BRIP1: variants seen among roughly 807,000 people sequenced by gnomAD.
The protein encoded by BRIP1 is BRCA1 interacting DNA helicase 1, also known as Fanconi anemia group J protein.
In BRIP1, 88 loss-of-function variants were observed where a neutral mutation model predicts 119.7. That is an observed-to-expected ratio of 0.74 (90% CI 0.62 to 0.88). The LOEUF (loss-of-function observed/expected upper bound fraction) is 0.88. Among genes scored for constraint, BRIP1 ranks in the 40% least tolerant of loss-of-function variants. The probability of loss-of-function intolerance (pLI) is 0.00; values close to 1 mark genes in which losing one functional copy is unlikely to be tolerated. For missense variants in BRIP1, 1,259 were observed against 1,455.4 expected, an observed-to-expected ratio of 0.87 and a Z score of 2.20; for synonymous variants, 443 against 496.5, an observed-to-expected ratio of 0.89 and a Z score of 1.43.
Position 61,743,622 on chromosome 17 carries a change from T to A in BRIP1, c.2258-488A>T, listed in dbSNP as rs981411082. Among the ~76,000 whole-genome samples, 1 of 152,170 alleles carries A rather than the reference T, an allele frequency of 6.6e-6. No homozygotes were observed. The highest frequency in any genetic ancestry group is 2.4e-5 in the African/African-American group (1 of 41,442). ...CATAAAAAGATACTGATATGTTATA[T>A]TACCTCTTTCTTGCATTGTTCATAA... On this transcript the variant is annotated intron_variant, in intron 15 of 19. Transcript: ENST00000259008. The surrounding 1 kb of genome is among the most constrained non-coding windows in gnomAD (Gnocchi z 4.3).
chr17:61,683,130 C>CAAAAAAAAAA lies in BRIP1; in HGVS notation c.*156_*165dup. 1 of 754,516 alleles carries CAAAAAAAAAA rather than the reference C, an allele frequency of 1.3e-6. No homozygotes were observed. Among genetic ancestry groups the CAAAAAAAAAA allele is most frequent in the African/African-American group, 1.8e-5 (1 of 55,090 alleles). 46.7% of individuals were successfully genotyped at this position (754,516 alleles called of 1,614,324 possible). Reference sequence around the variant, plus strand: ...TGGGCAACAGACCAAGACTCTGTCTCAAAAAAAAAAACCCAAAAACTCAAG... The same window carrying CAAAAAAAAAA: ...TGGGCAACAGACCAAGACTCTGTCTCAAAAAAAAAAAAAAAAAAAAACCCAAAAACTCAAG... On this transcript the variant is annotated 3_prime_UTR_variant, in exon 20 of 20. Transcript: ENST00000259008. The surrounding 1 kb of genome is among the most constrained non-coding windows in gnomAD (Gnocchi z 4.7).
In BRIP1 at chr17:61,755,283, G is replaced by C. The variant is rs2077185512; in HGVS notation, c.2098-10692C>G. The stretch of plus-strand genomic sequence containing the variant: ...TCCTTAATAAAAGAAGAGTTGGCTG[G>C]GTGCAGTGGCCCACACCTGTAATCC... On this transcript the variant is annotated intron_variant, in intron 14 of 19. Coordinates refer to ENST00000259008, the MANE Select transcript of BRIP1 (RefSeq NM_032043.3). This position sits in a 1 kb window ranked among gnomAD's most constrained non-coding sequence, Gnocchi z 4.5. Among the ~76,000 whole-genome samples, 1 of 152,130 alleles carries C rather than the reference G, an allele frequency of 6.6e-6. No individual in the cohort carries two copies. Among genetic ancestry groups the C allele is most frequent in the African/African-American group, 2.4e-5 (1 of 41,410 alleles).
chr17:61,857,331 T>C lies in BRIP1; in HGVS notation c.206-100A>G, dbSNP rs2078912647. 3 of 1,157,196 alleles carry C rather than the reference T, an allele frequency of 2.6e-6. No individual in the cohort carries two copies. The highest frequency in any genetic ancestry group is 1.6e-5 in the African/African-American group (1 of 63,954). 71.7% of individuals were successfully genotyped at this position (1,157,196 alleles called of 1,614,324 possible). A position where few individuals can be genotyped will look rare whatever the true frequency, so the allele number is the denominator to read the frequency against. ...CCCAGGATTGGGAGGTTTCCTAAGA[T>C]AAAAGATTTTTAGGGCTAACACCAG... On this transcript the variant is annotated intron_variant, in intron 3 of 19. Transcript: ENST00000259008. This position sits in a 1 kb window ranked among gnomAD's most constrained non-coding sequence, Gnocchi z 5.1.
In BRIP1 at chr17:61,834,902, G is replaced by GCCCACCCTAAATTGCTGAC. The variant is rs1358311513; in HGVS notation, c.627+12180_627+12198dup. On this transcript the variant is annotated intron_variant, in intron 6 of 19. Transcript: ENST00000259008. The surrounding 1 kb of genome is among the most constrained non-coding windows in gnomAD (Gnocchi z 4.4). ...ATCAGCAGAAGAAATGCCCAGCTGA[G>GCCCACCCTAAATTGCTGAC]CCCACCCTAAATTGCTGACCCCCAC... Among the ~76,000 whole-genome samples the GCCCACCCTAAATTGCTGAC allele has an allele frequency of 6.6e-6, 1 of 152,146 alleles. No individual in the cohort carries two copies. The highest frequency in any genetic ancestry group is 1.5e-5 in the Non-Finnish European group (1 of 68,032).
rs1330150310 is a variant in BRIP1 at position 61,735,764 on chromosome 17, G to A, written c.2379+7249C>T. Among the ~76,000 whole-genome samples the A allele has an allele frequency of 6.6e-6, 1 of 152,032 alleles. No individual in the cohort carries two copies. Among genetic ancestry groups the A allele is most frequent in the African/African-American group, 2.4e-5 (1 of 41,394 alleles). On this transcript the variant is annotated intron_variant, in intron 16 of 19. Coordinates refer to ENST00000259008, the MANE Select transcript of BRIP1 (RefSeq NM_032043.3). The surrounding 1 kb of genome is among the most constrained non-coding windows in gnomAD (Gnocchi z 4.4). ...TGCAGTGACCCATGACCGCACCACTGCACTCTAGCCTGGGCAATGGAGTGA... is the reference window on the plus strand; with the variant it reads ...TGCAGTGACCCATGACCGCACCACTACACTCTAGCCTGGGCAATGGAGTGA...
At chr17:61,784,976 C>T (rs552815970) in intron 10 of BRIP1, among the ~76,000 whole-genome samples, 1 of 152,248 alleles carries the variant, frequency 6.6e-6, no homozygotes, top group Non-Finnish European at 1.5e-5. Flanking sequence ...CAGCACAATG[C>T]TAACAATATA....
chr17:61,733,070 C>T (rs8075370), intron 16 of BRIP1, among the ~76,000 whole-genome samples: 110,971 of 152,108 alleles, frequency 0.73, 41,114 homozygotes, highest in Middle Eastern at 0.81. Flanking sequence ...GATGAATCTA[C>T]CTAAAAGGTT....
intron 17 of BRIP1, among the ~76,000 whole-genome samples, chr17:61,696,582 G>A (rs2061524485): frequency 6.6e-6 from 1 of 151,842 alleles, no homozygotes. Flanking sequence ...TTGATCATGA[G>A]GCTGAGGCAG....
chr17:61,857,870 G>A lies in BRIP1; in HGVS notation c.206-639C>T, dbSNP rs1223462012. ...AAGATTTATCTAAAATTCAAGAATG[G>A]ATTGAAACAAGGACATAAAGTATAT... On this transcript the variant is annotated intron_variant, in intron 3 of 19. Transcript: ENST00000259008. This position sits in a 1 kb window ranked among gnomAD's most constrained non-coding sequence, Gnocchi z 5.1. 6.6e-6 allele frequency among the ~76,000 whole-genome samples: 1 copy of A among 151,918 alleles called. No homozygotes were observed. Among genetic ancestry groups the A allele is most frequent in the Non-Finnish European group, 1.5e-5 (1 of 67,992 alleles).
chr17:61,784,256 T>C lies in BRIP1; in HGVS notation c.1628+14A>G. 2 of 1,607,732 alleles carry C rather than the reference T, an allele frequency of 1.2e-6. No individual in the cohort carries two copies. Among genetic ancestry groups the C allele is most frequent in the Non-Finnish European group, 1.7e-6 (2 of 1,175,158 alleles). On this transcript the variant is annotated intron_variant, in intron 11 of 19. Transcript: ENST00000259008. ...TTTTTAAAAGGAAAATACATACTAG[T>C]TATCTTCACTTACCTGCTATTTTGC... is the stretch of plus-strand genomic sequence containing the variant.
In BRIP1 at chr17:61,822,192, GA is replaced by G. The variant is rs2078336050; in HGVS notation, c.628-13436del. 6.6e-6 allele frequency among the ~76,000 whole-genome samples: 1 copy of G among 151,992 alleles called. No individual in the cohort carries two copies. Among genetic ancestry groups the G allele is most frequent in the African/African-American group, 2.4e-5 (1 of 41,400 alleles). ...AAAATAAAAGACAATAAAAGAAGAAGAAAAGCTATTTGACGAATAGACTGAT... is the reference window on the plus strand; with the variant it reads ...AAAATAAAAGACAATAAAAGAAGAAGAAAGCTATTTGACGAATAGACTGAT... On this transcript the variant is annotated intron_variant, in intron 6 of 19. Coordinates refer to ENST00000259008, the MANE Select transcript of BRIP1 (RefSeq NM_032043.3). The surrounding 1 kb of genome is among the most constrained non-coding windows in gnomAD (Gnocchi z 4.4).
rs1052112465 is a variant in BRIP1, at chr17:61,757,795, T to C, written c.2098-13204A>G. Among the ~76,000 whole-genome samples the C allele has an allele frequency of 1.3e-5, 2 of 151,932 alleles. No individual in the cohort carries two copies. The highest frequency in any genetic ancestry group is 3.9e-4 in the East Asian group (2 of 5,186). On this transcript the variant is annotated intron_variant, in intron 14 of 19. Transcript: ENST00000259008. The surrounding 1 kb of genome is among the most constrained non-coding windows in gnomAD (Gnocchi z 4.3). ...CAGACAGATCTCTTGAGCTCAGGAT[T>C]TCAAGACCAGCCTGGGCAACATGGC...
rs892625034 is a variant in BRIP1 at position 61,803,829 on chromosome 17, A to C, written c.919-2355T>G. On this transcript the variant is annotated intron_variant, in intron 7 of 19. Transcript: ENST00000259008. The surrounding 1 kb of genome is among the most constrained non-coding windows in gnomAD (Gnocchi z 4.3). ...ATTTAAAATTTTACCATTAATGTGA[A>C]TAGATGTACCCTGTACTGTTAAATA... Among the ~76,000 whole-genome samples, 1 of 152,158 alleles carries C rather than the reference A, an allele frequency of 6.6e-6. No individual in the cohort carries two copies. The highest frequency in any genetic ancestry group is 2.4e-5 in the African/African-American group (1 of 41,460).
chr17:61,801,121 C>T, intron 8 of BRIP1, 132 bp downstream of exon 8: 1 of 797,272 alleles, frequency 1.3e-6, no homozygotes, highest in Non-Finnish European at 2.0e-6. Context: ...GTTTTCAGTA[C>T]TCTAATATGT....
Position 61,856,995 on chromosome 17 carries a change from A to C in BRIP1, c.379+63T>G. The C allele has an allele frequency of 1.3e-6, 2 of 1,481,990 alleles. No individual in the cohort carries two copies. Among genetic ancestry groups the C allele is most frequent in the Non-Finnish European group, 1.9e-6 (2 of 1,060,162 alleles). The allele number at this position is 1,481,990 out of a possible 1,614,324, so 91.8% of individuals were successfully genotyped here. ...ACCAAACTTATATAAATTAGGGCTT[A>C]TAACAGTAATAATTAAGACTCTTAT... On this transcript the variant is annotated intron_variant, in intron 4 of 19. Coordinates refer to ENST00000259008, the MANE Select transcript of BRIP1 (RefSeq NM_032043.3). This position sits in a 1 kb window ranked among gnomAD's most constrained non-coding sequence, Gnocchi z 5.1.
At position 61,803,866 on chromosome 17, in the gene BRIP1, G is replaced by T. The variant is rs774833151; in HGVS notation, c.919-2392C>A. 6.6e-6 allele frequency among the ~76,000 whole-genome samples: 1 copy of T among 151,938 alleles called. No individual in the cohort carries two copies. The highest frequency in any genetic ancestry group is 1.5e-5 in the Non-Finnish European group (1 of 67,978). ...TGTACTGTTAAATAGCCAAAAAATTGAAAATTAACCAAATGTCTACCCATA... is the reference window on the plus strand; with the variant it reads ...TGTACTGTTAAATAGCCAAAAAATTTAAAATTAACCAAATGTCTACCCATA... On this transcript the variant is annotated intron_variant, in intron 7 of 19. Coordinates refer to ENST00000259008, the MANE Select transcript of BRIP1 (RefSeq NM_032043.3). The surrounding 1 kb of genome is among the most constrained non-coding windows in gnomAD (Gnocchi z 4.3).
intron 14 of BRIP1, among the ~76,000 whole-genome samples, chr17:61,747,432 A>G (rs1455505571): frequency 1.3e-5 from 2 of 152,026 alleles, no homozygotes; most frequent in Admixed American, 1.3e-4. Context: ...AAAAAAAAAG[A>G]GAAAATCAGA....
intron 16 of BRIP1, among the ~76,000 whole-genome samples, chr17:61,731,377 A>C (rs918996867): frequency 3.9e-5 from 6 of 152,192 alleles, no homozygotes; most frequent in African/African-American, 1.4e-4. Context: ...CACTATAACC[A>C]GAAGTCCACT....
chr17:61,790,508 T>C (rs2077799145), intron 10 of BRIP1, among the ~76,000 whole-genome samples: 1 of 152,094 alleles, frequency 6.6e-6, no homozygotes, highest in Non-Finnish European at 1.5e-5. Context: ...ATCACGCCAT[T>C]GCACTCCAGT....
Sources: gnomAD v4.1 joint callset for allele counts (sites outside exome capture counted in the v4.1 genomes callset) on GRCh38, gnomAD v4.1.1 for gene constraint, Gnocchi (gnomAD v3.1) non-coding constraint, MANE v1.5 for transcripts, NCBI Gene and HGNC (gene_info 2026-07-23, HGNC 2026-07-21) for gene names.